Variants in LPP observed in about 807,000 individuals in gnomAD.
LPP encodes LIM domain containing preferred translocation partner in lipoma, also known as lipoma-preferred partner.
Under a neutral mutation model 60.4 loss-of-function variants are expected in LPP, and 38 were observed. The observed-to-expected ratio is 0.63, with a 90% CI of 0.49 to 0.83. The LOEUF (loss-of-function observed/expected upper bound fraction) is 0.83. Among genes scored for constraint, LPP ranks in the 40% least tolerant of loss-of-function variants. The probability of loss-of-function intolerance (pLI) is 0.00; values close to 1 mark genes in which losing one functional copy is unlikely to be tolerated. For synonymous variants in LPP, 328 were observed against 290.8 expected, an observed-to-expected ratio of 1.13 and a Z score of -1.30; for missense variants, 902 against 783.6, an observed-to-expected ratio of 1.15 and a Z score of -1.80.
intron 7 of LPP, among the ~76,000 whole-genome samples, chr3:188,650,716 T>C (rs1249204898): frequency 6.6e-6 from 1 of 152,190 alleles, no homozygotes; most frequent in East Asian, 1.9e-4. Context: ...TTTTACATTA[T>C]CTGAGTGACT....
intron 3 of LPP, among the ~76,000 whole-genome samples, chr3:188,368,723 G>C (rs199804126): frequency 0.3 from 21,727 of 72,668 alleles, 1,779 homozygotes; most frequent in Non-Finnish European, 0.44. Flanking sequence ...CACACACAGA[G>C]AGAGAGAGAG....
intron 4 of LPP, among the ~76,000 whole-genome samples, chr3:188,460,317 A>G (rs919545095): frequency 1.5e-4 from 23 of 152,138 alleles, no homozygotes; most frequent in Admixed American, 1.3e-4. Flanking sequence ...TTTGGATTCT[A>G]TTTCATCCAT....
At chr3:188,773,845 G>A (rs1323607547) in intron 9 of LPP, among the ~76,000 whole-genome samples, 2 of 151,988 alleles carry the variant, frequency 1.3e-5, no homozygotes, top group Non-Finnish European at 2.9e-5. Context: ...GTGGAAGGGG[G>A]CATAGGAGGA....
chr3:188,577,488 T>C (rs1439674832), intron 6 of LPP, among the ~76,000 whole-genome samples: 4 of 151,784 alleles, frequency 2.6e-5, no homozygotes, highest in African/African-American at 7.2e-5. Flanking sequence ...CTTCTCTACT[T>C]ATCTTTAAAT....
intron 6 of LPP, among the ~76,000 whole-genome samples, chr3:188,604,880 A>C (rs1277921287): frequency 6.6e-6 from 1 of 152,168 alleles, no homozygotes; most frequent in Non-Finnish European, 1.5e-5. Context: ...TGGAGGATTC[A>C]GGCAAAGTTT....
At chr3:188,386,545 C>T (rs1187074924) in intron 3 of LPP, among the ~76,000 whole-genome samples, 2 of 152,128 alleles carry the variant, frequency 1.3e-5, no homozygotes, top group Admixed American at 1.3e-4. Context: ...TTGCCCAAAT[C>T]GTTGTCAGAC....
chr3:188,716,444 C>G (rs1714042460), intron 8 of LPP, among the ~76,000 whole-genome samples: 1 of 152,106 alleles, frequency 6.6e-6, no homozygotes, highest in African/African-American at 2.4e-5. Flanking sequence ...GGAGGATGGT[C>G]CATTTTCTTT....
In LPP at chr3:188,729,144, T is replaced by G. The variant is rs542856787; in HGVS notation, c.1240+20751T>G. On this transcript the variant is annotated intron_variant, in intron 8 of 11. Transcript: ENST00000617246. ...AGAGAAAGAGAAGAAAGATGTTAGA[T>G]ACAGAAGAAACAGCATGTACAAAGG... Among the ~76,000 whole-genome samples the G allele has an allele frequency of 5.9e-5, 9 of 152,252 alleles. 1 individual carries two copies. Among genetic ancestry groups the G allele is most frequent in the Admixed American group, 4.6e-4 (7 of 15,282 alleles).
intron 1 of LPP, among the ~76,000 whole-genome samples, chr3:188,198,509 T>C (rs1404752888): frequency 1.3e-5 from 2 of 152,206 alleles, no homozygotes; most frequent in African/African-American, 4.8e-5. Context: ...TATCTGACAT[T>C]GTAGGCACTG....
At chr3:188,307,810 AG>A (rs964522535) in intron 2 of LPP, among the ~76,000 whole-genome samples, 1 of 152,224 alleles carries the variant, frequency 6.6e-6, no homozygotes, top group African/African-American at 2.4e-5. Flanking sequence ...TTATTAACAC[AG>A]GGAATACAGC....
intron 6 of LPP, among the ~76,000 whole-genome samples, chr3:188,602,842 T>G (rs923266093): frequency 6.6e-6 from 1 of 151,450 alleles, no homozygotes; most frequent in Non-Finnish European, 1.5e-5. Flanking sequence ...TTCTAAACAG[T>G]GGTAAAGCTG....
chr3:188,784,340 CAT>C (rs1219937015), intron 9 of LPP, among the ~76,000 whole-genome samples: 24 of 100,406 alleles, frequency 2.4e-4, no homozygotes, highest in African/African-American at 7.2e-4. Context: ...TATATTCCAT[CAT>C]ATATATATAT....
At chr3:188,246,175 T>C (rs1726878901) in intron 2 of LPP, among the ~76,000 whole-genome samples, 1 of 152,008 alleles carries the variant, frequency 6.6e-6, no homozygotes, top group Admixed American at 6.5e-5. Context: ...TTGAACTAGA[T>C]GCTGTCTACA....
At chr3:188,607,384 T>G (rs1253490548) in intron 6 of LPP, among the ~76,000 whole-genome samples, 6 of 18,304 alleles carry the variant, frequency 3.3e-4, no homozygotes, top group African/African-American at 1.2e-3. Flanking sequence ...TATATATATA[T>G]ATATATATAT....
intron 2 of LPP, among the ~76,000 whole-genome samples, chr3:188,325,596 A>G (rs1468793432): frequency 6.6e-6 from 1 of 152,134 alleles, no homozygotes; most frequent in Admixed American, 6.5e-5. Flanking sequence ...CTTTATGTAC[A>G]TTGCAAACTG....
chr3:188,441,538 G>C (rs1331481942), intron 4 of LPP, among the ~76,000 whole-genome samples: 1 of 151,054 alleles, frequency 6.6e-6, no homozygotes, highest in Non-Finnish European at 1.5e-5. Context: ...CAGAGTTGAA[G>C]GGATGTTCTC....
At chr3:188,508,530 T>G (rs887013499) in intron 5 of LPP, among the ~76,000 whole-genome samples, 3 of 152,238 alleles carry the variant, frequency 2.0e-5, no homozygotes, top group Admixed American at 1.3e-4. Flanking sequence ...TAATTGAATA[T>G]GTATTAAGCT....
rs1378383538 is a variant in LPP at position 188,884,346 on chromosome 3, C to G, written c.*9867C>G. On this transcript the variant is annotated 3_prime_UTR_variant, in exon 12 of 12. Coordinates refer to ENST00000617246, the MANE Select transcript of LPP (RefSeq NM_001375462.1). ...CTTAGAGGACAATATCGACTTCTTA[C>G]AGACTACCAAGCCCCCAGTCATCCA... The G allele has an allele frequency of 1.7e-5, 4 of 230,500 alleles. No individual in the cohort carries two copies. The highest frequency in any genetic ancestry group is 3.4e-5 in the Non-Finnish European group (4 of 116,428). The allele number at this position is 230,500 out of a possible 1,614,324, so 14.3% of individuals were successfully genotyped here. A position where few individuals can be genotyped will look rare whatever the true frequency, so the allele number is the denominator to read the frequency against.
intron 4 of LPP, among the ~76,000 whole-genome samples, chr3:188,477,637 T>C (rs1803582755): frequency 6.6e-6 from 1 of 152,190 alleles, no homozygotes; most frequent in Non-Finnish European, 1.5e-5. Context: ...CATTTTCAGG[T>C]ACTGAAAATT....
Sources: gnomAD v4.1 joint callset for allele counts (sites outside exome capture counted in the v4.1 genomes callset) on GRCh38, gnomAD v4.1.1 for gene constraint, MANE v1.5 for transcripts, NCBI Gene and HGNC (gene_info 2026-07-23, HGNC 2026-07-21) for gene names.